ZNF705G: variants seen among roughly 807,000 people sequenced by gnomAD.
The protein encoded by ZNF705G is zinc finger protein 705G.
ZNF705G carries 23 observed loss-of-function variants against 19.6 expected under a neutral mutation model. The ratio of observed to expected loss-of-function variants is 1.17; its 90% CI spans 0.84 to 1.66. The LOEUF is 1.66. ZNF705G is among the 40% of genes most tolerant of loss of function. The pLI is 0.00. For synonymous variants in ZNF705G, 146 were observed against 117.7 expected (o/e 1.24, Z -1.56); for missense variants, 457 against 354.4 (o/e 1.29, Z -2.32).
In ZNF705G at chr8:7,355,765, G is replaced by C. The variant is rs1806186045; in HGVS notation, c.*2211C>G. On this transcript the variant is annotated 3_prime_UTR_variant, in exon 7 of 7. Coordinates refer to ENST00000400156, the MANE Select transcript of ZNF705G (RefSeq NM_001164457.3). ...ACATATAATGTCAGTCACAGTTTGT[G>C]GGTAAATTACATATTTAATTAAATA... 1.3e-5 allele frequency: 2 copies of C among 149,424 alleles called. No homozygotes were observed. Among genetic ancestry groups the C allele is most frequent in the African/African-American group, 5.1e-5 (2 of 38,854 alleles). The allele number at this position is 149,424 out of a possible 1,614,324, so 9.3% of individuals were successfully genotyped here.
chr8:7,368,495 A>G (rs1293711127), intron 2 of ZNF705G, among the ~76,000 whole-genome samples: 1 of 149,520 alleles, frequency 6.7e-6, no homozygotes, highest in Non-Finnish European at 1.5e-5. Context: ...GTTCATGATG[A>G]TGTAAAAAAA....
At chr8:7,369,516 C>A (rs1293138319) in intron 2 of ZNF705G, among the ~76,000 whole-genome samples, 1 of 149,568 alleles carries the variant, frequency 6.7e-6, no homozygotes, top group East Asian at 1.9e-4. Context: ...GCACTCAACA[C>A]TGGCCCTTGA....
At chr8:7,360,529 A>G (rs1806526961) in intron 4 of ZNF705G, among the ~76,000 whole-genome samples, 197 bp from the exon 5 acceptor site, 1 of 149,428 alleles carries the variant, frequency 6.7e-6, no homozygotes, top group South Asian at 2.1e-4. Flanking sequence ...CCAAAGGTCC[A>G]TCAGGAAAAG....
At chr8:7,362,862 C>G in intron 3 of ZNF705G, 73 bp downstream of exon 3, 1 of 1,580,588 alleles carries the variant, frequency 6.3e-7, no homozygotes, top group Non-Finnish European at 8.5e-7. Context: ...AACACCCATG[C>G]AAATTGGAGA....
chr8:7,375,768 C>A (rs201847706), intron 2 of ZNF705G, among the ~76,000 whole-genome samples: 2 of 85,128 alleles, frequency 2.3e-5, no homozygotes, highest in African/African-American at 1.1e-4. Flanking sequence ...CTATTATAAG[C>A]CAAGACTTTA....
rs1316719477 is a variant in ZNF705G at position 7,366,816 on chromosome 8, G to A, written c.-71-3799C>T. On this transcript the variant is annotated intron_variant, in intron 2 of 6. Transcript: ENST00000400156. ...AAATAGAATTTAAAAATAAGTGGTA[G>A]CCAACATGCCCAACACGATTTTCTG... Among the ~76,000 whole-genome samples, 10 of 149,522 alleles carry A rather than the reference G, an allele frequency of 6.7e-5. 1 individual carries two copies. The highest frequency in any genetic ancestry group is 1.3e-4 in the Non-Finnish European group (9 of 68,010).
In ZNF705G at chr8:7,370,069, C is replaced by A. The variant is rs555301130; in HGVS notation, c.-71-7052G>T. On this transcript the variant is annotated intron_variant, in intron 2 of 6. Transcript: ENST00000400156. ...ATTTTTTTTTAAAATGGGCAAAGAT[C>A]TGGCTAACACCGTGAAACCCTGTCT... Among the ~76,000 whole-genome samples, 4 of 148,192 alleles carry A rather than the reference C, an allele frequency of 2.7e-5. No homozygotes were observed. The South Asian group carries it at 8.5e-4, about 32-fold the overall frequency.
intron 2 of ZNF705G, among the ~76,000 whole-genome samples, chr8:7,378,713 C>G (rs1179039752): frequency 7.1e-6 from 1 of 140,560 alleles, no homozygotes; most frequent in Non-Finnish European, 1.5e-5. Context: ...AGCGTTGAGT[C>G]CTCACATTCC....
intron 2 of ZNF705G, among the ~76,000 whole-genome samples, chr8:7,368,211 T>C (rs1471936064): frequency 6.7e-6 from 1 of 149,690 alleles, no homozygotes; most frequent in African/African-American, 2.6e-5. Flanking sequence ...TTCAATCTGA[T>C]TGGATTTTTG....
chr8:7,367,566 G>C (rs181345576), intron 2 of ZNF705G, among the ~76,000 whole-genome samples: 27 of 149,622 alleles, frequency 1.8e-4, no homozygotes, highest in Non-Finnish European at 3.5e-4. Context: ...GGAAAGCACT[G>C]TGCATGCCGG....
chr8:7,382,147 A>C (rs1243197388), intron 1 of ZNF705G, among the ~76,000 whole-genome samples: 1 of 150,958 alleles, frequency 6.6e-6, no homozygotes, highest in Non-Finnish European at 1.5e-5. Context: ...TCAAGAGCAA[A>C]TGACTCCACT....
chr8:7,361,050 C>G (rs569626405), intron 4 of ZNF705G, 60 bp downstream of exon 4: 3 of 1,592,132 alleles, frequency 1.9e-6, no homozygotes, highest in Non-Finnish European at 2.5e-6. Flanking sequence ...TGTTTTAACA[C>G]TTATTGAATG....
In ZNF705G at chr8:7,375,167, G is replaced by A. The variant is rs1807209195; in HGVS notation, c.-72+6285C>T. Among the ~76,000 whole-genome samples the A allele has an allele frequency of 2.2e-5, 2 of 92,160 alleles. 1 individual carries two copies. The highest frequency in any genetic ancestry group is 7.5e-4 in the South Asian group (2 of 2,682). 60.5% of individuals were successfully genotyped at this position (92,160 alleles called of 152,430 possible). ...GGTGTGCCCAAAGAGTAGCTTTTCA[G>A]ACTTTACTCCCTCTCCCTCCCCTCC... On this transcript the variant is annotated intron_variant, in intron 2 of 6. Coordinates refer to ENST00000400156, the MANE Select transcript of ZNF705G (RefSeq NM_001164457.3).
At chr8:7,383,618 C>T (rs1807603313) in intron 1 of ZNF705G, among the ~76,000 whole-genome samples, 2 of 147,376 alleles carry the variant, frequency 1.4e-5, no homozygotes, top group Non-Finnish European at 2.9e-5. Context: ...GTTGAAATGC[C>T]AACCCCCAAA....
Position 7,376,025 on chromosome 8 carries a change from C to T in ZNF705G, c.-72+5427G>A, listed in dbSNP as rs1384828795. Among the ~76,000 whole-genome samples, 56 of 90,712 alleles carry T rather than the reference C, an allele frequency of 6.2e-4. 18 individuals are homozygous for T. The highest frequency in any genetic ancestry group is 9.4e-4 in the Non-Finnish European group (44 of 46,820). 59.5% of individuals were successfully genotyped at this position (90,712 alleles called of 152,430 possible). On this transcript the variant is annotated intron_variant, in intron 2 of 6. Transcript: ENST00000400156. Reference sequence around the variant, plus strand: ...CAAAGGGCCAATTTTAGCACAAGGCCAGTGGGCTTGGGTACTACTATATGT... The same window carrying T: ...CAAAGGGCCAATTTTAGCACAAGGCTAGTGGGCTTGGGTACTACTATATGT...
At chr8:7,358,774 C>T (rs1272450814) in intron 6 of ZNF705G, among the ~76,000 whole-genome samples, 5 of 149,394 alleles carry the variant, frequency 3.3e-5, no homozygotes, top group Admixed American at 6.6e-5. Context: ...CACAAACCTG[C>T]CTCCCCCTTC....
In ZNF705G at chr8:7,363,650, G is replaced by A. The variant is rs145313405; in HGVS notation, c.-71-633C>T. 3.8e-3 allele frequency among the ~76,000 whole-genome samples: 572 copies of A among 149,392 alleles called. 28 individuals carry two copies. In the East Asian group the frequency reaches 0.09, roughly 23 times the overall value. ...AGCCTGGCCAACATGGTGAAACCCC[G>A]TCTGTAGTAAAAATACAAAAATTAA... On this transcript the variant is annotated intron_variant, in intron 2 of 6. Coordinates refer to ENST00000400156, the MANE Select transcript of ZNF705G (RefSeq NM_001164457.3).
rs1806342287 is a variant in ZNF705G at position 7,357,787 on chromosome 8, T to A, written c.*189A>T. On this transcript the variant is annotated 3_prime_UTR_variant, in exon 7 of 7. Transcript: ENST00000400156. ...AGATGCTACAACTACAGCTGAAGTCTCTTCCACATTCCTTACCTTTGTCAT... is the reference window on the plus strand; with the variant it reads ...AGATGCTACAACTACAGCTGAAGTCACTTCCACATTCCTTACCTTTGTCAT... 1.1e-6 allele frequency: 1 copy of A among 932,972 alleles called. No homozygotes were observed. Among genetic ancestry groups the A allele is most frequent in the East Asian group, 2.7e-5 (1 of 37,670 alleles). 57.8% of individuals were successfully genotyped at this position (932,972 alleles called of 1,614,324 possible). A position where few individuals can be genotyped will look rare whatever the true frequency, so the allele number is the denominator to read the frequency against.
chr8:7,356,783 C>G lies in ZNF705G; in HGVS notation c.*1193G>C, dbSNP rs755739458. 66 of 149,652 alleles carry G rather than the reference C, an allele frequency of 4.4e-4. No individual in the cohort carries two copies. The highest frequency in any genetic ancestry group is 8.8e-4 in the Non-Finnish European group (60 of 68,002). 9.3% of individuals were successfully genotyped at this position (149,652 alleles called of 1,614,324 possible). On this transcript the variant is annotated 3_prime_UTR_variant, in exon 7 of 7. Transcript: ENST00000400156. ...CCGCATAAATGAAACAAGGGCTTTGCCAACATACTAAGTTTTTTCAACAAC... is the reference window on the plus strand; with the variant it reads ...CCGCATAAATGAAACAAGGGCTTTGGCAACATACTAAGTTTTTTCAACAAC...
Sources: gnomAD v4.1 joint callset for allele counts (sites outside exome capture counted in the v4.1 genomes callset) on GRCh38, gnomAD v4.1.1 for gene constraint, MANE v1.5 for transcripts, NCBI Gene and HGNC (gene_info 2026-07-23, HGNC 2026-07-21) for gene names.